Variants in PRR5L observed in about 807,000 individuals in gnomAD.
PRR5L encodes proline rich 5 like.
PRR5L carries 21 observed loss-of-function variants against 36.4 expected under a neutral mutation model. That is an observed-to-expected ratio of 0.58 (90% CI 0.41 to 0.83). The LOEUF is 0.83. Among genes scored for constraint, PRR5L ranks in the 40% least tolerant of loss-of-function variants. The pLI is 0.00. For synonymous variants in PRR5L, 188 were observed against 197.0 expected, an observed-to-expected ratio of 0.95 and a Z score of 0.38; for missense variants, 381 against 473.3, an observed-to-expected ratio of 0.80 and a Z score of 1.81.
intron 3 of PRR5L, among the ~76,000 whole-genome samples, chr11:36,405,779 A>G (rs1388997572): frequency 6.6e-6 from 1 of 152,178 alleles, no homozygotes; most frequent in African/African-American, 2.4e-5. Context: ...GGTGCCGGTC[A>G]TTTACATTCC....
intron 1 of PRR5L, among the ~76,000 whole-genome samples, chr11:36,306,208 C>A (rs1856430016): frequency 2.0e-5 from 3 of 152,138 alleles, no homozygotes. Context: ...ATCAACTCAT[C>A]ATTTACATTA....
chr11:36,450,658 G>C (rs1360779994), intron 7 of PRR5L, among the ~76,000 whole-genome samples: 1 of 152,044 alleles, frequency 6.6e-6, no homozygotes, highest in Non-Finnish European at 1.5e-5. Flanking sequence ...TTCTTTTCTA[G>C]CCTGTTAGCA....
chr11:36,378,946 A>C (rs1001147105), intron 1 of PRR5L, among the ~76,000 whole-genome samples: 3 of 152,206 alleles, frequency 2.0e-5, no homozygotes, highest in Non-Finnish European at 4.4e-5. Flanking sequence ...TAGTCTGGAC[A>C]TGTCTTTCCC....
At chr11:36,415,753 C>G (rs553950273) in intron 3 of PRR5L, among the ~76,000 whole-genome samples, 1 of 151,760 alleles carries the variant, frequency 6.6e-6, no homozygotes, top group Non-Finnish European at 1.5e-5. Flanking sequence ...CAATAAAAAA[C>G]AGTTAATTAA....
chr11:36,401,279 G>A lies in PRR5L; in HGVS notation c.158G>A (p.Trp53Ter), dbSNP rs1292858627. 1.2e-6 allele frequency: 2 copies of A among 1,611,084 alleles called. No individual in the cohort carries two copies. The highest frequency in any genetic ancestry group is 1.7e-6 in the Non-Finnish European group (2 of 1,179,942). Residue 53 changes from tryptophan to a stop codon, truncating the protein, a stop_gained, in exon 2 of 9, where the codon TGG becomes TAG. Coordinates refer to ENST00000530639, the MANE Select transcript of PRR5L (RefSeq NM_001160167.2). LOFTEE classifies it high-confidence loss of function. ...QALQLSSSSA[W>*]NSVQTAVINV... ...CTGCAGCTGAGCTCCAGCTCAGCCT[G>A]GAACAGGTGAAGGAGGCTGCAGGAT... is the stretch of plus-strand genomic sequence containing the variant.
intron 1 of PRR5L, among the ~76,000 whole-genome samples, chr11:36,331,793 A>G (rs557009577): frequency 6.6e-6 from 1 of 152,368 alleles, no homozygotes; most frequent in South Asian, 2.1e-4. Flanking sequence ...ATTCATGTAT[A>G]TCCACGAGTT....
intron 1 of PRR5L, 130 bp from the exon 2 acceptor site, chr11:36,400,867 A>T: frequency 6.6e-6 from 4 of 604,900 alleles, no homozygotes; most frequent in Non-Finnish European, 1.0e-5. Flanking sequence ...GGAACCTGCC[A>T]GGGAATAGAT....
At chr11:36,428,784 A>G (rs1285414434) in intron 4 of PRR5L, among the ~76,000 whole-genome samples, 4 of 152,178 alleles carry the variant, frequency 2.6e-5, no homozygotes, top group Non-Finnish European at 5.9e-5. Flanking sequence ...TGCCTTTGAA[A>G]GGTACTTTAG....
At chr11:36,400,111 G>A (rs753123341) in intron 1 of PRR5L, among the ~76,000 whole-genome samples, 2 of 152,226 alleles carry the variant, frequency 1.3e-5, no homozygotes, top group East Asian at 1.9e-4. Context: ...CCTGCAGGGC[G>A]AGTTGGGTTT....
At chr11:36,380,166 G>A (rs766915967) in intron 1 of PRR5L, among the ~76,000 whole-genome samples, 2 of 152,224 alleles carry the variant, frequency 1.3e-5, no homozygotes, top group African/African-American at 4.8e-5. Flanking sequence ...GAGACAGGAG[G>A]TGGGTGAACA....
At chr11:36,413,566 C>A (rs899515425) in intron 3 of PRR5L, among the ~76,000 whole-genome samples, 2 of 151,236 alleles carry the variant, frequency 1.3e-5, no homozygotes, top group African/African-American at 4.9e-5. Context: ...GTTTTCCATT[C>A]TCTTTTCCTT....
chr11:36,353,748 G>C (rs1856998776), intron 1 of PRR5L, among the ~76,000 whole-genome samples: 1 of 152,188 alleles, frequency 6.6e-6, no homozygotes, highest in Non-Finnish European at 1.5e-5. Context: ...TGCTGCAGCT[G>C]ATCTGACAGG....
chr11:36,351,698 T>TA, intron 1 of PRR5L, among the ~76,000 whole-genome samples: 1 of 99,062 alleles, frequency 1.0e-5, no homozygotes, highest in Middle Eastern at 4.5e-3. Context: ...TATTTATATA[T>TA]TTATATATTT....
chr11:36,461,409 G>A (rs1209204513), intron 8 of PRR5L, among the ~76,000 whole-genome samples: 3 of 152,120 alleles, frequency 2.0e-5, no homozygotes, highest in African/African-American at 4.8e-5. Context: ...GATCACCTGA[G>A]GTCAGGAGTT....
At chr11:36,362,360 GA>G (rs1349633343) in intron 1 of PRR5L, among the ~76,000 whole-genome samples, 1 of 138,424 alleles carries the variant, frequency 7.2e-6, no homozygotes, top group Non-Finnish European at 1.5e-5. Context: ...CTTGTCTTTA[GA>G]AAATCTATCT....
chr11:36,397,946 C>T (rs779680246), intron 1 of PRR5L, among the ~76,000 whole-genome samples: 1 of 152,086 alleles, frequency 6.6e-6, no homozygotes, highest in Non-Finnish European at 1.5e-5. Context: ...AAGGCATGCG[C>T]CCCCATGCCC....
intron 1 of PRR5L, among the ~76,000 whole-genome samples, chr11:36,343,936 G>A (rs949483789): frequency 6.6e-6 from 1 of 151,738 alleles, no homozygotes; most frequent in African/African-American, 2.4e-5. Flanking sequence ...CACATGCTTG[G>A]TGGGGTGCGG....
At chr11:36,417,282 A>T (rs1238381800) in intron 3 of PRR5L, among the ~76,000 whole-genome samples, 1 of 152,194 alleles carries the variant, frequency 6.6e-6, no homozygotes, top group Non-Finnish European at 1.5e-5. Flanking sequence ...CCCAAGGATG[A>T]CGAAGACTTT....
intron 8 of PRR5L, among the ~76,000 whole-genome samples, chr11:36,460,713 G>A (rs537257649): frequency 6.6e-6 from 1 of 152,314 alleles, no homozygotes; most frequent in African/African-American, 2.4e-5. Flanking sequence ...TCTGCCCAAG[G>A]AAGCTTCCTG....
Sources: allele counts gnomAD v4.1 joint callset (sites outside exome capture counted in the v4.1 genomes callset), GRCh38; gene constraint gnomAD v4.1.1; transcripts MANE v1.5; gene names NCBI Gene and HGNC (gene_info 2026-07-23, HGNC 2026-07-21).